SH3RF1: variants seen among roughly 807,000 people sequenced by gnomAD.
SH3RF1 encodes SH3 domain containing ring finger 1.
SH3RF1 carries 32 observed loss-of-function variants against 74.0 expected under a neutral mutation model. The observed-to-expected ratio is 0.43, with a 90% CI of 0.33 to 0.58. The LOEUF (loss-of-function observed/expected upper bound fraction) is 0.58. Among genes scored for constraint, SH3RF1 ranks in the 20% least tolerant of loss-of-function variants. The pLI, the probability that SH3RF1 is intolerant of heterozygous loss-of-function variation, is 0.05. For synonymous variants in SH3RF1, 396 were observed against 439.6 expected, an observed-to-expected ratio of 0.90 and a Z score of 1.24; for missense variants, 954 against 1,130.9, an observed-to-expected ratio of 0.84 and a Z score of 2.24.
rs371702089 is a variant in SH3RF1 at position 169,101,914 on chromosome 4, C to T, written c.2498+4933G>A. Among the ~76,000 whole-genome samples, 112 of 152,306 alleles carry T rather than the reference C, an allele frequency of 7.4e-4. 3 individuals carry two copies. The South Asian group carries it at 0.023, about 31-fold the overall frequency. Reference sequence around the variant, plus strand: ...AGAGTCTTGCAATATAAAGAAGCTCCACAGACTTCCAATGCTATGGTATTT... The same window carrying T: ...AGAGTCTTGCAATATAAAGAAGCTCTACAGACTTCCAATGCTATGGTATTT... On this transcript the variant is annotated intron_variant, in intron 11 of 11. Transcript: ENST00000284637.
chr4:169,255,650 C>CACACACACAG (rs1438215320), intron 2 of SH3RF1, among the ~76,000 whole-genome samples: 2 of 151,506 alleles, frequency 1.3e-5, no homozygotes. Context: ...CACACACACA[C>CACACACACAG]ACACACACAC....
At chr4:169,249,056 T>A (rs1210225877) in intron 2 of SH3RF1, among the ~76,000 whole-genome samples, 2 of 151,726 alleles carry the variant, frequency 1.3e-5, no homozygotes, top group Non-Finnish European at 2.9e-5. Context: ...TGAAACCCCA[T>A]CTCTACTAAA....
intron 2 of SH3RF1, among the ~76,000 whole-genome samples, chr4:169,220,930 G>T (rs934601691): frequency 2.0e-5 from 3 of 152,174 alleles, no homozygotes; most frequent in Admixed American, 6.5e-5. Context: ...TCAGGCACAG[G>T]TTAAATTTGC....
chr4:169,189,026 G>A (rs887905637), intron 2 of SH3RF1, among the ~76,000 whole-genome samples: 3 of 152,216 alleles, frequency 2.0e-5, no homozygotes, highest in African/African-American at 7.2e-5. Flanking sequence ...AAAACTTCCA[G>A]GGATACAATT....
intron 2 of SH3RF1, among the ~76,000 whole-genome samples, chr4:169,229,402 T>C (rs1730698197): frequency 6.6e-6 from 1 of 152,074 alleles, no homozygotes; most frequent in Admixed American, 6.5e-5. Context: ...ACACATGATG[T>C]CTTTTTTTTT....
chr4:169,117,549 T>C lies in SH3RF1; in HGVS notation c.1751A>G (p.Asn584Ser), dbSNP rs1733357709. 10 of 1,614,148 alleles carry C rather than the reference T, an allele frequency of 6.2e-6. No homozygotes were observed. The highest frequency in any genetic ancestry group is 1.7e-5 in the Admixed American group (1 of 60,016). Residue 584 changes from asparagine to serine, a missense_variant, in exon 9 of 12, where the codon AAC becomes AGC. Physicochemically the swap from Asn to Ser is conservative, Grantham distance 46 (BLOSUM62 1). This residue lies in a region of SH3RF1 where 854 missense variants were observed against 962.5 expected (regional missense o/e 0.89). Transcript: ENST00000284637. Reference protein sequence around the residue: ...LLHMTGQMTVNQARNAVRTVA... With the variant: ...LLHMTGQMTVSQARNAVRTVA... ...TGTCCTCACAGCATTGCGGGCCTGG[T>C]TGACTGTCATTTGCCCCGTCATGTG...
chr4:169,179,492 T>C (rs1734473872), intron 2 of SH3RF1, among the ~76,000 whole-genome samples: 1 of 152,278 alleles, frequency 6.6e-6, no homozygotes. Flanking sequence ...TATGAACCAA[T>C]ATCCAAAATT....
intron 2 of SH3RF1, among the ~76,000 whole-genome samples, chr4:169,231,493 G>A (rs1215308167): frequency 6.6e-6 from 1 of 152,148 alleles, no homozygotes; most frequent in East Asian, 1.9e-4. Context: ...TTGAATCCAG[G>A]AGGCAGAGGT....
In SH3RF1 at chr4:169,122,111, A is replaced by T; in HGVS notation, c.1335T>A (p.Thr445=). Residue 445 remains threonine (T), a synonymous_variant, in exon 7 of 12, where the codon ACT becomes ACA. Coordinates refer to ENST00000284637, the MANE Select transcript of SH3RF1 (RefSeq NM_020870.4). ...TDQIAHLRPQ[T]RPSVYVAIYP... ...ACACGCTCACTTACACACTGGGGCG[A>T]GTCTGCGGCCGTAAATGTGCAATCT... 1 of 1,612,524 alleles carries T rather than the reference A, an allele frequency of 6.2e-7. No homozygotes were observed. The highest frequency in any genetic ancestry group is 8.5e-7 in the Non-Finnish European group (1 of 1,179,954).
At chr4:169,252,908 A>G (rs1049160107) in intron 2 of SH3RF1, among the ~76,000 whole-genome samples, 1 of 152,028 alleles carries the variant, frequency 6.6e-6, no homozygotes, top group Non-Finnish European at 1.5e-5. Flanking sequence ...CAAAAATATG[A>G]CTCTAGCTAG....
intron 2 of SH3RF1, among the ~76,000 whole-genome samples, chr4:169,255,622 T>TACACACACACACAC (rs56229906): frequency 0.03 from 3,706 of 124,502 alleles, 122 homozygotes; most frequent in Non-Finnish European, 0.044. Context: ...CATACACACA[T>TACACACACACACAC]ACACACACAC....
chr4:169,257,001 T>C (rs143495196), intron 2 of SH3RF1, among the ~76,000 whole-genome samples: 1 of 152,366 alleles, frequency 6.6e-6, no homozygotes, highest in East Asian at 1.9e-4. Context: ...GAGCATGTAC[T>C]AGGTCTTGGG....
In SH3RF1 at chr4:169,116,407, T is replaced by A. The variant is rs1733332711; in HGVS notation, c.2001A>T (p.Pro667=). 6.2e-7 allele frequency: 1 copy of A among 1,614,006 alleles called. No homozygotes were observed. Among genetic ancestry groups the A allele is most frequent in the South Asian group, 1.1e-5 (1 of 91,076 alleles). The change falls in exon 10 of 12, where the codon CCA becomes CCT. Residue 667 remains proline (P), a synonymous_variant. Transcript: ENST00000284637. ...ACAAAAPLTS[P]SITSASLEAE... Reference sequence around the variant, plus strand: ...CCTCCAGAGAAGCACTGGTGATGCTTGGGGAAGTCAGTGGAGCAGCTGCTG... The same window carrying A: ...CCTCCAGAGAAGCACTGGTGATGCTAGGGGAAGTCAGTGGAGCAGCTGCTG...
chr4:169,110,368 A>C (rs1201982719), intron 10 of SH3RF1, among the ~76,000 whole-genome samples: 1 of 152,162 alleles, frequency 6.6e-6, no homozygotes, highest in African/African-American at 2.4e-5. Flanking sequence ...TAATAATAAA[A>C]TAAAAGAAGA....
At chr4:169,246,754 T>A (rs887318583) in intron 2 of SH3RF1, among the ~76,000 whole-genome samples, 8 of 152,368 alleles carry the variant, frequency 5.3e-5, no homozygotes, top group Non-Finnish European at 1.0e-4. Context: ...AGACACAAAC[T>A]TACATTAACT....
At chr4:169,138,856 T>G (rs917004255) in intron 4 of SH3RF1, among the ~76,000 whole-genome samples, 9 of 152,328 alleles carry the variant, frequency 5.9e-5, no homozygotes, top group African/African-American at 2.2e-4. Flanking sequence ...TCCCAATATT[T>G]CCTGCTGCTT....
At chr4:169,146,076 T>TTATATATTCTATATAAAA (rs1733881435) in intron 4 of SH3RF1, among the ~76,000 whole-genome samples, 2 of 93,762 alleles carry the variant, frequency 2.1e-5, no homozygotes, top group African/African-American at 4.5e-5. Flanking sequence ...ATATAAAATA[T>TTATATATTCTATATAAAA]TATATATTCT....
chr4:169,200,372 G>A (rs934874510), intron 2 of SH3RF1, among the ~76,000 whole-genome samples: 6 of 151,968 alleles, frequency 3.9e-5, no homozygotes, highest in African/African-American at 1.2e-4. Context: ...GACCATGCCC[G>A]TTAATCACAA....
chr4:169,179,803 T>C (rs1018117942), intron 2 of SH3RF1, among the ~76,000 whole-genome samples: 3 of 152,252 alleles, frequency 2.0e-5, no homozygotes, highest in African/African-American at 7.2e-5. Flanking sequence ...TTTGCAGTGC[T>C]CTACTTGAAA....
Sources: allele counts gnomAD v4.1 joint callset (sites outside exome capture counted in the v4.1 genomes callset), GRCh38; gene constraint gnomAD v4.1.1; regional missense constraint gnomAD v4.1.1; transcripts MANE v1.5; gene names NCBI Gene and HGNC (gene_info 2026-07-23, HGNC 2026-07-21).